The following CDK5RAP1 variants were observed in gnomAD, a reference collection of about 807,000 sequenced individuals.
The protein encoded by CDK5RAP1 is mitochondrial tRNA methylthiotransferase CDK5RAP1.
Under a neutral mutation model 64.5 loss-of-function variants are expected in CDK5RAP1, and 62 were observed. That is an observed-to-expected ratio of 0.96 (90% CI 0.78 to 1.19). The LOEUF (loss-of-function observed/expected upper bound fraction) is 1.19. Ranked by LOEUF, CDK5RAP1 falls within the 50% of genes most tolerant of loss-of-function variation. The pLI is 0.00. For synonymous variants in CDK5RAP1, 250 were observed against 261.9 expected (o/e 0.95, Z 0.44); for missense variants, 657 against 735.0 (o/e 0.89, Z 1.23).
intron 11 of CDK5RAP1, among the ~76,000 whole-genome samples, chr20:33,368,764 G>A (rs1437593169): frequency 2.0e-5 from 3 of 152,040 alleles, no homozygotes; most frequent in Admixed American, 6.6e-5. Flanking sequence ...CCAGCTACTC[G>A]GGAGGCTGAG....
rs574293166 is a variant in CDK5RAP1, at chr20:33,391,931, A to T, written c.544+211T>A. On this transcript the variant is annotated intron_variant, in intron 5 of 13. Transcript: ENST00000346416. Reference sequence around the variant, plus strand: ...TCTAGGCAGGATATACCACTTTCTGAGCACCTATTACTTCAAGGAACTACG... The same window carrying T: ...TCTAGGCAGGATATACCACTTTCTGTGCACCTATTACTTCAAGGAACTACG... 4.1e-4 allele frequency among the ~76,000 whole-genome samples: 63 copies of T among 152,308 alleles called. 2 individuals carry two copies. In the South Asian group the frequency reaches 0.013, roughly 31 times the overall value.
intron 1 of CDK5RAP1, among the ~76,000 whole-genome samples, chr20:33,399,658 C>T (rs1158145195): frequency 6.6e-6 from 1 of 152,160 alleles, no homozygotes; most frequent in Non-Finnish European, 1.5e-5. Context: ...TCATGGAAGA[C>T]AATTTTTCCA....
At chr20:33,387,631 AGGG>A (rs1987620038) in intron 5 of CDK5RAP1, 98 bp from the exon 6 acceptor site, 1 of 948,400 alleles carries the variant, frequency 1.1e-6, no homozygotes, top group East Asian at 2.4e-5. Context: ...ATTAGAGACC[AGGG>A]CACAGAAAAC....
intron 12 of CDK5RAP1, among the ~76,000 whole-genome samples, chr20:33,364,253 A>G (rs938996509): frequency 2.0e-5 from 3 of 149,568 alleles, no homozygotes; most frequent in Admixed American, 1.3e-4. Context: ...CAGTGGCGCA[A>G]TCTTGGCTCA....
intron 4 of CDK5RAP1, 24 bp from the exon 5 acceptor site, chr20:33,392,266 A>G (rs752855606): frequency 2.0e-6 from 3 of 1,473,796 alleles, no homozygotes; most frequent in Non-Finnish European, 2.8e-6. Context: ...AGGAGGCAAG[A>G]CTGAACCAAA....
rs531170799 is a variant in CDK5RAP1 at position 33,388,513 on chromosome 20, T to C, written c.545-980A>G. On this transcript the variant is annotated intron_variant, in intron 5 of 13. Coordinates refer to ENST00000346416, the MANE Select transcript of CDK5RAP1 (RefSeq NM_016408.4). Reference sequence around the variant, plus strand: ...AAATAAATAATTTTTCAGCTCCCTCTCCCTCTCCCTCTCCCTCTCCCCCTC... The same window carrying C: ...AAATAAATAATTTTTCAGCTCCCTCCCCCTCTCCCTCTCCCTCTCCCCCTC... Among the ~76,000 whole-genome samples, 39 of 133,352 alleles carry C rather than the reference T, an allele frequency of 2.9e-4. No individual in the cohort carries two copies. In the East Asian group the frequency reaches 7.6e-3, roughly 26 times the overall value. The allele number at this position is 133,352 out of a possible 152,430, so 87.5% of individuals were successfully genotyped here.
At chr20:33,361,955 CAAAAAA>C (rs11481557) in intron 12 of CDK5RAP1, among the ~76,000 whole-genome samples, 3 of 87,898 alleles carry the variant, frequency 3.4e-5, no homozygotes, top group African/African-American at 5.1e-5. Context: ...GCCTCAGTCT[CAAAAAA>C]AAAAAAAAAA....
chr20:33,391,336 G>A (rs1418290249), intron 5 of CDK5RAP1, among the ~76,000 whole-genome samples: 2 of 151,720 alleles, frequency 1.3e-5, no homozygotes, highest in Non-Finnish European at 2.9e-5. Flanking sequence ...CCCTAGTCAT[G>A]TGGTCATGTG....
At chr20:33,376,303 G>A (rs1440435314) in intron 8 of CDK5RAP1, among the ~76,000 whole-genome samples, 1 of 151,940 alleles carries the variant, frequency 6.6e-6, no homozygotes, top group African/African-American at 2.4e-5. Context: ...CAGCCTGGGT[G>A]ACAGAGCAAG....
chr20:33,397,379 C>G (rs1989001815), intron 1 of CDK5RAP1, among the ~76,000 whole-genome samples: 1 of 152,144 alleles, frequency 6.6e-6, no homozygotes, highest in Non-Finnish European at 1.5e-5. Flanking sequence ...TGTGCCAAGA[C>G]CAGTTCCCAA....
intron 8 of CDK5RAP1, among the ~76,000 whole-genome samples, chr20:33,375,856 A>G (rs1246537565): frequency 1.3e-5 from 2 of 152,124 alleles, no homozygotes; most frequent in African/African-American, 4.8e-5. Flanking sequence ...TAATTTCATT[A>G]TATTTATATT....
rs778420836 is a variant in CDK5RAP1, at chr20:33,379,518, T to TA, written c.1049dup (p.Asp351ArgfsTer3). On this transcript the variant is annotated frameshift_variant, in exon 8 of 14. Transcript: ENST00000346416. LOFTEE classifies it high-confidence loss of function. ...TAAAACGGATCCTCATTTCAGGATC[T>TA]ACTCTGGAGACCTGATCCAGAAGAT... 6.2e-7 allele frequency: 1 copy of TA among 1,614,128 alleles called. No individual in the cohort carries two copies. The highest frequency in any genetic ancestry group is 2.2e-5 in the East Asian group (1 of 44,882).
chr20:33,375,728 A>G (rs955763935), intron 8 of CDK5RAP1, among the ~76,000 whole-genome samples: 1 of 152,214 alleles, frequency 6.6e-6, no homozygotes, highest in African/African-American at 2.4e-5. Flanking sequence ...CCAGATCACC[A>G]CAATGAAGAG....
chr20:33,385,575 G>A, intron 7 of CDK5RAP1, 75 bp downstream of exon 7: 1 of 1,556,880 alleles, frequency 6.4e-7, no homozygotes, highest in Non-Finnish European at 8.7e-7. Context: ...AGACAGCATA[G>A]GCTCAAAACT....
chr20:33,381,815 T>G (rs915837935), intron 7 of CDK5RAP1, among the ~76,000 whole-genome samples: 2 of 152,116 alleles, frequency 1.3e-5, no homozygotes, highest in African/African-American at 4.8e-5. Context: ...AACTCCAGTC[T>G]CCATAAAGGC....
chr20:33,381,115 T>C (rs1218323379), intron 7 of CDK5RAP1, among the ~76,000 whole-genome samples: 1 of 152,206 alleles, frequency 6.6e-6, no homozygotes, highest in Non-Finnish European at 1.5e-5. Flanking sequence ...AATTCCCATA[T>C]ACTCTTTGCC....
chr20:33,371,281 G>A (rs1432823634), intron 10 of CDK5RAP1, among the ~76,000 whole-genome samples: 2 of 152,108 alleles, frequency 1.3e-5, no homozygotes, highest in Non-Finnish European at 2.9e-5. Context: ...GCGACAGAAT[G>A]ATAACCTATC....
intron 1 of CDK5RAP1, among the ~76,000 whole-genome samples, chr20:33,401,112 T>G (rs377496930): frequency 6.6e-6 from 1 of 152,208 alleles, no homozygotes; most frequent in African/African-American, 2.4e-5. Flanking sequence ...TTAGGCATGG[T>G]GCAAAGCATT....
rs913075977 is a variant in CDK5RAP1, at chr20:33,396,990, C to T, written c.75G>A (p.Leu25=). ...TGTGTGCCCTGCACATCCTCAGCGACAGCCAAGACACAGAGGCCAATGGTC... is the reference window on the plus strand; with the variant it reads ...TGTGTGCCCTGCACATCCTCAGCGATAGCCAAGACACAGAGGCCAATGGTC... ...GWGPLASVSW[L]SLRMCRAHSS... The change falls in exon 2 of 14, where the codon CTG becomes CTA. Residue 25 remains leucine, a synonymous_variant. Transcript: ENST00000346416. 6.2e-7 allele frequency: 1 copy of T among 1,614,060 alleles called. No homozygotes were observed. Among genetic ancestry groups the T allele is most frequent in the Non-Finnish European group, 8.5e-7 (1 of 1,180,022 alleles).
Sources: gnomAD v4.1 joint callset for allele counts (sites outside exome capture counted in the v4.1 genomes callset) on GRCh38, gnomAD v4.1.1 for gene constraint, MANE v1.5 for transcripts, NCBI Gene and HGNC (gene_info 2026-07-23, HGNC 2026-07-21) for gene names.